Variants in GRIN3B observed in about 807,000 individuals in gnomAD.
GRIN3B encodes the protein glutamate receptor ionotropic, NMDA 3B.
Under a neutral mutation model 66.0 loss-of-function variants are expected in GRIN3B, and 77 were observed. That is an observed-to-expected ratio of 1.17 (90% confidence interval 0.97 to 1.41). The LOEUF (loss-of-function observed/expected upper bound fraction) is 1.41. GRIN3B is among the 40% of genes most tolerant of loss of function. The pLI, the probability that GRIN3B is intolerant of heterozygous loss-of-function variation, is 0.00. For missense variants in GRIN3B, 1,787 were observed against 1,564.5 expected, an observed-to-expected ratio of 1.14 and a Z score of -2.40; for synonymous variants, 823 against 749.7, an observed-to-expected ratio of 1.10 and a Z score of -1.60.
At position 1,000,882 on chromosome 19, in the gene GRIN3B, G is replaced by A; in HGVS notation, c.426+19G>A. On this transcript the variant is annotated intron_variant, in intron 1 of 8. Coordinates refer to ENST00000234389, the MANE Select transcript of GRIN3B (RefSeq NM_138690.3). ...AGCCCCGGTACGCGGGACGCCCGGAGTCAGGACGAGGGGGACCCGGGGCGG... is the reference window on the plus strand; with the variant it reads ...AGCCCCGGTACGCGGGACGCCCGGAATCAGGACGAGGGGGACCCGGGGCGG... 1 of 1,386,196 alleles carries A rather than the reference G, an allele frequency of 7.2e-7. No individual in the cohort carries two copies. 85.9% of individuals were successfully genotyped at this position (1,386,196 alleles called of 1,614,324 possible).
rs760831625 is a variant in GRIN3B at position 1,003,576 on chromosome 19, C to T, written c.873C>T (p.Ala291=). The T allele has an allele frequency of 2.3e-5, 34 of 1,496,392 alleles. No homozygotes were observed. The highest frequency in any genetic ancestry group is 2.1e-4 in the East Asian group (8 of 38,604). The allele number at this position is 1,496,392 out of a possible 1,614,324, so 92.7% of individuals were successfully genotyped here. ...AGGTGGCACGACCCCCGCTGGAGGC[C>T]GCCATCCATGACATTGTGCAACTGG... The part of the protein sequence containing the change: ...LGEVARPPLE[A]AIHDIVQLVA... Residue 291 remains alanine, a synonymous_variant, in exon 2 of 9, where the codon GCC becomes GCT. Coordinates refer to ENST00000234389, the MANE Select transcript of GRIN3B (RefSeq NM_138690.3).
At chr19:1,000,990 T>C (rs2038679465) in intron 1 of GRIN3B, 127 bp downstream of exon 1, 4 of 1,074,108 alleles carry the variant, frequency 3.7e-6, no homozygotes, top group Non-Finnish European at 4.9e-6. Context: ...CCCGGGACGC[T>C]GGACGGGCCC....
At chr19:1,002,891 A>C (rs991685784) in intron 1 of GRIN3B, 2 of 406,572 alleles carry the variant, frequency 4.9e-6, no homozygotes, top group Non-Finnish European at 8.7e-6. Flanking sequence ...AAAACAAAAA[A>C]CACCAAGTGT....
In GRIN3B at chr19:1,007,427, G is replaced by A. The variant is rs11668220; in HGVS notation, c.2053-201G>A. 0.031 allele frequency among the ~76,000 whole-genome samples: 4,739 copies of A among 151,960 alleles called. 89 individuals carry two copies. The highest frequency in any genetic ancestry group is 0.063 in the South Asian group (303 of 4,818). On this transcript the variant is annotated intron_variant, in intron 3 of 8. Transcript: ENST00000234389. The surrounding 1 kb of genome is among the most constrained non-coding windows in gnomAD (Gnocchi z 4.4). ...GGTGATCCTGCCCCCCGCCCCAGGG[G>A]ACCCTGGACAGTGTGTGTCTAGAGA...
chr19:1,000,789 T>C lies in GRIN3B; in HGVS notation c.352T>C (p.Phe118Leu). ...EARPELLQLH[F>L]LAAATETPVL... ...TCGGCCCGAGCTGCTGCAGCTGCAC[T>C]TCCTGGCGGCGGCCACCGAGACCCC... The change falls in exon 1 of 9, where the codon TTC (phenylalanine) becomes CTC (leucine). Residue 118 changes from phenylalanine to leucine, a missense_variant. Transcript: ENST00000234389. The C allele has an allele frequency of 5.6e-6, 8 of 1,433,800 alleles. No homozygotes were observed. Among genetic ancestry groups the C allele is most frequent in the Non-Finnish European group, 7.3e-6 (8 of 1,101,808 alleles). 88.8% of individuals were successfully genotyped at this position (1,433,800 alleles called of 1,614,324 possible). A position where few individuals can be genotyped will look rare whatever the true frequency, so the allele number is the denominator to read the frequency against.
chr19:1,009,110 C>T (rs1018068787), intron 8 of GRIN3B, 63 bp from the exon 9 acceptor site: 54 of 1,446,136 alleles, frequency 3.7e-5, no homozygotes, highest in Middle Eastern at 2.5e-4. Context: ...GCGGCCTCTG[C>T]AGAGGCCCAG....
chr19:1,009,059 G>T, intron 8 of GRIN3B, 114 bp from the exon 9 acceptor site: 4 of 1,355,850 alleles, frequency 3.0e-6, no homozygotes, highest in Non-Finnish European at 4.0e-6. Flanking sequence ...CGTGCACACC[G>T]TGGCTCCCTG....
chr19:1,001,718 C>G (rs1208274824), intron 1 of GRIN3B, among the ~76,000 whole-genome samples: 2 of 152,060 alleles, frequency 1.3e-5, no homozygotes, highest in African/African-American at 4.8e-5. Context: ...GAGGGAGACC[C>G]TGACGCTAGA....
At position 1,004,884 on chromosome 19, in the gene GRIN3B, CG is replaced by C. The variant is rs749482351; in HGVS notation, c.1384del (p.Ala462ArgfsTer185). ...CGGCCACCCTGGACGCACTGTTCGCCGCGCTGGCCAACGGCTCAGCGCCCCG... is the reference window on the plus strand; with the variant it reads ...CGGCCACCCTGGACGCACTGTTCGCCCGCTGGCCAACGGCTCAGCGCCCCG... ...DSATLDALFA[A>X]LANGSAPRAL... On this transcript the variant is annotated frameshift_variant, in exon 3 of 9. Coordinates refer to ENST00000234389, the MANE Select transcript of GRIN3B (RefSeq NM_138690.3). LOFTEE classifies it high-confidence loss of function. 19 of 1,603,374 alleles carry C rather than the reference CG, an allele frequency of 1.2e-5. 2 individuals are homozygous for C. In the South Asian group the frequency reaches 1.3e-4, roughly 11 times the overall value.
intron 1 of GRIN3B, among the ~76,000 whole-genome samples, chr19:1,002,376 A>C (rs1438587738): frequency 1.3e-5 from 2 of 150,652 alleles, no homozygotes; most frequent in Non-Finnish European, 3.0e-5. Flanking sequence ...AAAAAAAAAA[A>C]AAAAAAAAAG....
intron 2 of GRIN3B, among the ~76,000 whole-genome samples, chr19:1,004,238 T>C (rs1292225038): frequency 1.3e-5 from 2 of 152,134 alleles, no homozygotes; most frequent in Non-Finnish European, 2.9e-5. Context: ...TTCCTGAGAA[T>C]GAACAACTCC....
At position 1,008,170 on chromosome 19, in the gene GRIN3B, C is replaced by G. The variant is rs373330225; in HGVS notation, c.2345C>G (p.Pro782Arg). 9.3e-6 allele frequency: 15 copies of G among 1,604,768 alleles called. No homozygotes were observed. Among genetic ancestry groups the G allele is most frequent in the Admixed American group, 1.7e-5 (1 of 58,572 alleles). Residue 782 changes from proline (P) to arginine (R), a missense_variant, in exon 6 of 9, where the codon CCG becomes CGG. Pro to Arg is a moderately radical substitution (Grantham distance 103). Coordinates refer to ENST00000234389, the MANE Select transcript of GRIN3B (RefSeq NM_138690.3). ...GGGATCGGACTGCCCCAGAACTCGCCGCTCACCTCCAACCTGTCCGAGTTC... is the reference window on the plus strand; with the variant it reads ...GGGATCGGACTGCCCCAGAACTCGCGGCTCACCTCCAACCTGTCCGAGTTC... ...GYGIGLPQNS[P>R]LTSNLSEFIS...
chr19:1,000,821 C>T lies in GRIN3B; in HGVS notation c.384C>T (p.Leu128=), dbSNP rs1462320009. 2 of 1,449,060 alleles carry T rather than the reference C, an allele frequency of 1.4e-6. No homozygotes were observed. Among genetic ancestry groups the T allele is most frequent in the Admixed American group, 2.7e-5 (1 of 36,640 alleles). 89.8% of individuals were successfully genotyped at this position (1,449,060 alleles called of 1,614,324 possible). ...CGGCGGCCACCGAGACCCCCGTGCTCAGCCTGCTGCGGCGGGAGGCGCGCG... is the reference window on the plus strand; with the variant it reads ...CGGCGGCCACCGAGACCCCCGTGCTTAGCCTGCTGCGGCGGGAGGCGCGCG... The part of the protein sequence containing the change: ...FLAAATETPV[L]SLLRREARAP... The change falls in exon 1 of 9, where the codon CTC becomes CTT. Residue 128 remains leucine (L), a synonymous_variant. Coordinates refer to ENST00000234389, the MANE Select transcript of GRIN3B (RefSeq NM_138690.3).
chr19:1,008,412 A>G (rs1599462090), intron 6 of GRIN3B, 121 bp downstream of exon 6: 8 of 1,071,676 alleles, frequency 7.5e-6, no homozygotes, highest in East Asian at 2.6e-5. Flanking sequence ...GCTTCTGCGC[A>G]CTTCTATTCA....
In GRIN3B at chr19:1,003,271, C is replaced by T. The variant is rs2038702056; in HGVS notation, c.568C>T (p.Leu190Phe). 4 of 1,573,784 alleles carry T rather than the reference C, an allele frequency of 2.5e-6. No homozygotes were observed. In the African/African-American group the frequency reaches 4.1e-5, roughly 16 times the overall value. The change falls in exon 2 of 9, where the codon CTC (leucine) becomes TTC (phenylalanine). Residue 190 changes from leucine (L) to phenylalanine (F), a missense_variant. Physicochemically the swap from Leu to Phe is conservative, Grantham distance 22 (BLOSUM62 0). Coordinates refer to ENST00000234389, the MANE Select transcript of GRIN3B (RefSeq NM_138690.3). ...RTQDPGGLVA[L>F]WTSRAGRPPQ... ...TCAGGACCCCGGCGGCCTGGTGGCC[C>T]TCTGGACAAGCCGGGCTGGCCGGCC... is the stretch of plus-strand genomic sequence containing the variant.
At chr19:1,004,239 G>T (rs1045090586) in intron 2 of GRIN3B, among the ~76,000 whole-genome samples, 1 of 152,202 alleles carries the variant, frequency 6.6e-6, no homozygotes, top group African/African-American at 2.4e-5. Context: ...TCCTGAGAAT[G>T]AACAACTCCT....
rs2038744621 is a variant in GRIN3B at position 1,006,012 on chromosome 19, AAAAAC to A, written c.2052+469_2052+473del. On this transcript the variant is annotated intron_variant, in intron 3 of 8. Coordinates refer to ENST00000234389, the MANE Select transcript of GRIN3B (RefSeq NM_138690.3). Reference sequence around the variant, plus strand: ...GAGCAAGACTCCGTCTCAAAAAACAAAAAACAAAACAAAAAACACAGAGATGGGGG... The same window carrying A: ...GAGCAAGACTCCGTCTCAAAAAACAAAAAACAAAAAACACAGAGATGGGGG... Among the ~76,000 whole-genome samples the A allele has an allele frequency of 2.0e-5, 3 of 152,234 alleles. No homozygotes were observed. The South Asian group carries it at 6.2e-4, about 32-fold the overall frequency.
chr19:1,007,619 C>T lies in GRIN3B; in HGVS notation c.2053-9C>T, dbSNP rs1205685437. ...GCAGGCAGAGGCGCTGACGGGGTCC[C>T]CCGCGCAGCTGCACCACCCGGCGCA... On this transcript the variant is annotated splice_polypyrimidine_tract_variant and intron_variant, in intron 3 of 8. Coordinates refer to ENST00000234389, the MANE Select transcript of GRIN3B (RefSeq NM_138690.3). The surrounding 1 kb of genome is among the most constrained non-coding windows in gnomAD (Gnocchi z 4.4). The T allele has an allele frequency of 6.7e-7, 1 of 1,490,556 alleles. No homozygotes were observed. Among genetic ancestry groups the T allele is most frequent in the African/African-American group, 1.4e-5 (1 of 69,764 alleles). The allele number at this position is 1,490,556 out of a possible 1,614,324, so 92.3% of individuals were successfully genotyped here. A position where few individuals can be genotyped will look rare whatever the true frequency, so the allele number is the denominator to read the frequency against.
At chr19:1,006,354 C>A (rs2038748770) in intron 3 of GRIN3B, among the ~76,000 whole-genome samples, 1 of 151,588 alleles carries the variant, frequency 6.6e-6, no homozygotes, top group South Asian at 2.1e-4. Context: ...ACCATGTTGG[C>A]CAGGCTGGTC....
Sources: gnomAD v4.1 joint callset for allele counts (sites outside exome capture counted in the v4.1 genomes callset) on GRCh38, gnomAD v4.1.1 for gene constraint, Gnocchi (gnomAD v3.1) non-coding constraint, MANE v1.5 for transcripts, NCBI Gene and HGNC (gene_info 2026-07-23, HGNC 2026-07-21) for gene names.